Variants in PCGF5 observed in about 807,000 individuals in gnomAD.
PCGF5 encodes the protein polycomb group ring finger 5.
In PCGF5, 9 loss-of-function variants were observed where a neutral mutation model predicts 44.3. The observed-to-expected ratio is 0.20, with a 90% CI of 0.12 to 0.35. The LOEUF (loss-of-function observed/expected upper bound fraction) is 0.35, where lower values mean the gene tolerates loss of function less well. PCGF5 is among the 10% of genes least tolerant of loss of function. The pLI, the probability that PCGF5 is intolerant of heterozygous loss-of-function variation, is 1.00. For synonymous variants in PCGF5, 95 were observed against 102.5 expected (o/e 0.93, Z 0.44); for missense variants, 146 against 305.3 (o/e 0.48, Z 3.89).
upstream of PCGF5, chr10:91,220,274 G>A (rs1385996554): frequency 6.6e-6 from 1 of 152,172 alleles, no homozygotes; most frequent in Non-Finnish European, 1.5e-5. Context: ...TCCCCACTTC[G>A]GCGCAGGTGG....
chr10:91,200,907 G>A (rs996100709), intron 1 of PCGF5, among the ~76,000 whole-genome samples: 1 of 152,114 alleles, frequency 6.6e-6, no homozygotes, highest in Non-Finnish European at 1.5e-5. Context: ...AACATTAGCT[G>A]TGTTCGTGAT....
At chr10:91,194,193 A>G (rs1844085302) in intron 1 of PCGF5, among the ~76,000 whole-genome samples, 1 of 152,148 alleles carries the variant, frequency 6.6e-6, no homozygotes, top group African/African-American at 2.4e-5. Context: ...GAAAATGTGA[A>G]TGTGTCACTT....
chr10:91,240,356 A>C, intron 2 of PCGF5, 128 bp from the exon 3 acceptor site: 1 of 581,288 alleles, frequency 1.7e-6, no homozygotes, highest in South Asian at 2.1e-5. Context: ...AGGTTTTTGA[A>C]GCTTAATTAA....
chr10:91,265,185 A>G (rs1846020776), intron 8 of PCGF5, among the ~76,000 whole-genome samples: 1 of 152,190 alleles, frequency 6.6e-6, no homozygotes, highest in Non-Finnish European at 1.5e-5. Context: ...AGACTGAGAT[A>G]TGAGACTAAG....
intron 1 of PCGF5, among the ~76,000 whole-genome samples, chr10:91,196,418 T>C (rs1283589686): frequency 2.6e-5 from 4 of 152,178 alleles, no homozygotes; most frequent in African/African-American, 4.8e-5. Context: ...CCCCACAGTA[T>C]CATTGAAGCA....
At position 91,228,424 on chromosome 10, in the gene PCGF5, A is replaced by G. The variant is rs185741176; in HGVS notation, c.112+5441A>G. Among the ~76,000 whole-genome samples, 243 of 152,272 alleles carry G rather than the reference A, an allele frequency of 1.6e-3. 1 individual carries two copies. The highest frequency in any genetic ancestry group is 5.7e-3 in the African/African-American group (238 of 41,568). On this transcript the variant is annotated intron_variant, in intron 2 of 9. Coordinates refer to ENST00000336126, the MANE Select transcript of PCGF5 (RefSeq NM_032373.5). ...TTATAGACATAGAATTCTGTGGTAC[A>G]GAAAAGGAAAGCTTTCTTTCCTCTT...
chr10:91,170,239 A>G (rs182748430), intron 1 of PCGF5, among the ~76,000 whole-genome samples: 11 of 152,380 alleles, frequency 7.2e-5, no homozygotes, highest in Admixed American at 6.5e-4. Context: ...ATATGACATC[A>G]TAGGCACAGC....
intron 1 of PCGF5, among the ~76,000 whole-genome samples, chr10:91,213,639 C>CTT (rs113834545): frequency 7.1e-6 from 1 of 141,634 alleles, no homozygotes; most frequent in African/African-American, 2.6e-5. Context: ...TTTTTTTTTT[C>CTT]TTTTTTTTTT....
intron 1 of PCGF5, among the ~76,000 whole-genome samples, chr10:91,221,787 G>A (rs1269637931): frequency 1.3e-5 from 2 of 150,808 alleles, no homozygotes; most frequent in Non-Finnish European, 2.9e-5. Flanking sequence ...TACTAAATAT[G>A]ACCAGTTTCT....
chr10:91,172,049 G>A (rs1318365586), intron 1 of PCGF5, among the ~76,000 whole-genome samples: 1 of 152,162 alleles, frequency 6.6e-6, no homozygotes, highest in Non-Finnish European at 1.5e-5. Flanking sequence ...AACATTTTTA[G>A]ATATATGTGA....
chr10:91,271,188 T>C (rs376320858), intron 8 of PCGF5, among the ~76,000 whole-genome samples: 2 of 151,900 alleles, frequency 1.3e-5, no homozygotes, highest in Non-Finnish European at 2.9e-5. Flanking sequence ...ATAGATGCCT[T>C]ACAGGTTGAG....
intron 2 of PCGF5, chr10:91,227,238 C>CTT: frequency 7.8e-6 from 3 of 386,938 alleles, no homozygotes; most frequent in Middle Eastern, 4.2e-4. Context: ...GATGTATGTT[C>CTT]TTTTTTTTTT....
chr10:91,191,935 A>G (rs539073586), intron 1 of PCGF5, among the ~76,000 whole-genome samples: 3 of 152,220 alleles, frequency 2.0e-5, no homozygotes, highest in Non-Finnish European at 4.4e-5. Context: ...TCCTGTAGTA[A>G]TCTTTATCCA....
At chr10:91,265,802 A>G (rs1227681605) in intron 8 of PCGF5, among the ~76,000 whole-genome samples, 2 of 152,168 alleles carry the variant, frequency 1.3e-5, no homozygotes, top group Non-Finnish European at 2.9e-5. Context: ...CTTGAGATGT[A>G]GTAAAAGCCC....
Position 91,283,656 on chromosome 10 carries a change from G to A in PCGF5, c.*5340G>A, listed in dbSNP as rs1398745253. The stretch of plus-strand genomic sequence containing the variant: ...TTGTATTTTTTAGAATGGGGGTGGG[G>A]GCCTAAGTGTCCTTATGAAGCTGTG... On this transcript the variant is annotated 3_prime_UTR_variant, in exon 10 of 10. Transcript: ENST00000336126. 6.6e-6 allele frequency: 1 copy of A among 152,070 alleles called. No individual in the cohort carries two copies. Among genetic ancestry groups the A allele is most frequent in the Non-Finnish European group, 1.5e-5 (1 of 68,104 alleles). 9.4% of individuals were successfully genotyped at this position (152,070 alleles called of 1,614,324 possible). A position where few individuals can be genotyped will look rare whatever the true frequency, so the allele number is the denominator to read the frequency against.
chr10:91,209,279 A>C (rs1400285186), intron 1 of PCGF5, among the ~76,000 whole-genome samples: 1 of 152,164 alleles, frequency 6.6e-6, no homozygotes, highest in African/African-American at 2.4e-5. Context: ...AGAACTTTAC[A>C]AGTGAGGGAC....
intron 6 of PCGF5, among the ~76,000 whole-genome samples, chr10:91,252,525 A>G (rs994846835): frequency 1.3e-5 from 2 of 152,050 alleles, no homozygotes; most frequent in Non-Finnish European, 2.9e-5. Context: ...GGTCTTATAC[A>G]TACAAATAGT....
upstream of PCGF5, among the ~76,000 whole-genome samples, chr10:91,215,473 C>T (rs566041395): frequency 5.3e-5 from 8 of 152,348 alleles, no homozygotes; most frequent in South Asian, 8.3e-4. Context: ...TAAAAACATA[C>T]GTCCTTCTCC....
At position 91,279,679 on chromosome 10, in the gene PCGF5, A is replaced by G. The variant is rs977677109; in HGVS notation, c.*1363A>G. The G allele has an allele frequency of 6.6e-6, 1 of 152,154 alleles. No individual in the cohort carries two copies. Among genetic ancestry groups the G allele is most frequent in the African/African-American group, 2.4e-5 (1 of 41,452 alleles). 9.4% of individuals were successfully genotyped at this position (152,154 alleles called of 1,614,324 possible). Reference sequence around the variant, plus strand: ...CTTGGAAATTGCTTTGAAACAAACAAGCTAACCTTTGAAACTTAGGAAAAA... The same window carrying G: ...CTTGGAAATTGCTTTGAAACAAACAGGCTAACCTTTGAAACTTAGGAAAAA... On this transcript the variant is annotated 3_prime_UTR_variant, in exon 10 of 10. Transcript: ENST00000336126.
Sources: gnomAD v4.1 joint callset for allele counts (sites outside exome capture counted in the v4.1 genomes callset) on GRCh38, gnomAD v4.1.1 for gene constraint, MANE v1.5 for transcripts, NCBI Gene and HGNC (gene_info 2026-07-23, HGNC 2026-07-21) for gene names.